THRAP3: variants seen among roughly 807,000 people sequenced by gnomAD.
THRAP3 encodes the protein thyroid hormone receptor associated protein 3, also known as thyroid hormone receptor-associated protein 3.
A neutral mutation model predicts 101.0 loss-of-function variants in THRAP3; 16 were observed. The observed-to-expected ratio is 0.16, with a 90% confidence interval of 0.11 to 0.24. The LOEUF (loss-of-function observed/expected upper bound fraction) is 0.24, where lower values mean the gene tolerates loss of function less well. Ranked by LOEUF, THRAP3 falls within the 10% of genes least tolerant of loss-of-function variation. THRAP3 has a pLI of 1.00. For synonymous variants in THRAP3, 407 were observed against 422.6 expected (o/e 0.96, Z 0.45); for missense variants, 989 against 1,202.7 (o/e 0.82, Z 2.63).
chr1:36,253,044 T>G (rs1440243223), intron 1 of THRAP3, among the ~76,000 whole-genome samples: 3 of 148,994 alleles, frequency 2.0e-5, no homozygotes, highest in Non-Finnish European at 1.5e-5. Context: ...GGAGTACAAT[T>G]TCACTTAATT....
At chr1:36,262,629 T>C (rs1351946062) in intron 2 of THRAP3, among the ~76,000 whole-genome samples, 2 of 152,182 alleles carry the variant, frequency 1.3e-5, no homozygotes, top group African/African-American at 4.8e-5. Context: ...GCAAAGAATG[T>C]CCATGGCCCA....
At position 36,287,165 on chromosome 1, in the gene THRAP3, C is replaced by A. The variant is rs762508775; in HGVS notation, c.935C>A (p.Ser312Tyr). 3.1e-6 allele frequency: 5 copies of A among 1,614,180 alleles called. No individual in the cohort carries two copies. The highest frequency in any genetic ancestry group is 4.2e-6 in the Non-Finnish European group (5 of 1,180,032). ...FDHGSGSLSP[S>Y]KKSPVGKSPP... ...CATGGTTCTGGGTCCCTGAGTCCATCCAAAAAGAGCCCTGTGGGTAAGAGT... is the reference window on the plus strand; with the variant it reads ...CATGGTTCTGGGTCCCTGAGTCCATACAAAAAGAGCCCTGTGGGTAAGAGT... Residue 312 changes from serine (S) to tyrosine (Y), a missense_variant, in exon 4 of 12, where the codon TCC (serine) becomes TAC (tyrosine). Ser to Tyr is a moderately radical substitution (Grantham distance 144). Transcript: ENST00000354618.
In THRAP3 at chr1:36,247,942, C is replaced by T. The variant is rs1019186627; in HGVS notation, c.-134-11440C>T. 5.4e-5 allele frequency among the ~76,000 whole-genome samples: 8 copies of T among 148,998 alleles called. No individual in the cohort carries two copies. The South Asian group carries it at 6.4e-4, about 12-fold the overall frequency. ...CCGCCCAGGCTGGAGTGCAGTGGCA[C>T]GATCTTGGCTCACTGCAACCTCCAC... On this transcript the variant is annotated intron_variant, in intron 1 of 11. Transcript: ENST00000354618.
At chr1:36,260,536 C>G (rs1385217455) in intron 2 of THRAP3, among the ~76,000 whole-genome samples, 1 of 152,082 alleles carries the variant, frequency 6.6e-6, no homozygotes. Flanking sequence ...TTAATTGTCA[C>G]TCTGGGGCCA....
intron 2 of THRAP3, among the ~76,000 whole-genome samples, chr1:36,270,425 G>A (rs551000784): frequency 2.0e-5 from 3 of 152,068 alleles, no homozygotes; most frequent in Admixed American, 1.3e-4. Flanking sequence ...ACACGCACAC[G>A]CACGCATGCC....
intron 1 of THRAP3, among the ~76,000 whole-genome samples, chr1:36,238,014 T>A (rs1645111728): frequency 6.6e-6 from 1 of 152,124 alleles, no homozygotes; most frequent in African/African-American, 2.4e-5. Flanking sequence ...TTTCTTTTTT[T>A]TAATAGAGAC....
rs755926380 is a variant in THRAP3 at position 36,287,093 on chromosome 1, C to T, written c.863C>T (p.Pro288Leu). 27 of 1,613,976 alleles carry T rather than the reference C, an allele frequency of 1.7e-5. No individual in the cohort carries two copies. Among genetic ancestry groups the T allele is most frequent in the East Asian group, 4.5e-5 (2 of 44,894 alleles). Residue 288 changes from proline to leucine, a missense_variant, in exon 4 of 12, where the codon CCG (proline) becomes CTG (leucine). Coordinates refer to ENST00000354618, the MANE Select transcript of THRAP3 (RefSeq NM_005119.4). ...SSTSQMGSTLPSGAGYQSGTH... is the reference protein window; with the variant it reads ...SSTSQMGSTLLSGAGYQSGTH... Reference sequence around the variant, plus strand: ...ACATCCCAGATGGGCTCAACTCTGCCGAGTGGTGCCGGGTATCAGTCTGGG... The same window carrying T: ...ACATCCCAGATGGGCTCAACTCTGCTGAGTGGTGCCGGGTATCAGTCTGGG...
intron 1 of THRAP3, among the ~76,000 whole-genome samples, chr1:36,256,133 C>T (rs1645370971): frequency 6.6e-6 from 1 of 151,742 alleles, no homozygotes; most frequent in African/African-American, 2.4e-5. Context: ...TCTCTTGCCT[C>T]AGCCTCCCAT....
chr1:36,221,985 A>G (rs546530363), upstream of THRAP3, among the ~76,000 whole-genome samples: 1 of 151,700 alleles, frequency 6.6e-6, no homozygotes, highest in South Asian at 2.1e-4. Flanking sequence ...AATTTTTTGT[A>G]TTTTTAGTAG....
chr1:36,232,699 C>T (rs1301446190), intron 1 of THRAP3, among the ~76,000 whole-genome samples: 1 of 152,130 alleles, frequency 6.6e-6, no homozygotes, highest in Admixed American at 6.6e-5. Flanking sequence ...GAAGTGCTCC[C>T]ATTGTCAAGT....
At chr1:36,241,217 A>G (rs1321042110) in intron 1 of THRAP3, among the ~76,000 whole-genome samples, 3 of 145,068 alleles carry the variant, frequency 2.1e-5, no homozygotes, top group East Asian at 2.0e-4. Flanking sequence ...AAAGATTTTT[A>G]CTTTTCAGAA....
chr1:36,285,495 G>T (rs1473281286), intron 3 of THRAP3, among the ~76,000 whole-genome samples: 1 of 152,152 alleles, frequency 6.6e-6, no homozygotes, highest in Non-Finnish European at 1.5e-5. Context: ...TGTGGTTCTG[G>T]AAATTCATCT....
intron 2 of THRAP3, among the ~76,000 whole-genome samples, chr1:36,270,930 A>G (rs1645582984): frequency 6.6e-6 from 1 of 152,080 alleles, no homozygotes; most frequent in African/African-American, 2.4e-5. Flanking sequence ...TTTCATATTA[A>G]AAATAAAATA....
At chr1:36,276,964 T>A (rs1368176073) in intron 2 of THRAP3, among the ~76,000 whole-genome samples, 3 of 152,086 alleles carry the variant, frequency 2.0e-5, no homozygotes, top group Non-Finnish European at 4.4e-5. Context: ...TTTTTTTAAT[T>A]TTTATTTTAT....
the THRAP3 span, among the ~76,000 whole-genome samples, chr1:36,211,612 G>A: frequency 0.031 from 4,789 of 152,208 alleles, 237 homozygotes; most frequent in African/African-American, 0.11. Context: ...GCTAGACTAG[G>A]GTATTCCTGA....
At position 36,228,126 on chromosome 1, in the gene THRAP3, A is replaced by G. The variant is rs1017156728; in HGVS notation, c.-135+3621A>G. Among the ~76,000 whole-genome samples, 12 of 146,960 alleles carry G rather than the reference A, an allele frequency of 8.2e-5. No individual in the cohort carries two copies. In the Admixed American group the frequency reaches 8.3e-4, roughly 10 times the overall value. On this transcript the variant is annotated intron_variant, in intron 1 of 11. Coordinates refer to ENST00000354618, the MANE Select transcript of THRAP3 (RefSeq NM_005119.4). Reference sequence around the variant, plus strand: ...CAGTGGCACTATCTTGGCTCACTGCAACCTCTGTCTTCCAGGTTCAAGCAG... The same window carrying G: ...CAGTGGCACTATCTTGGCTCACTGCGACCTCTGTCTTCCAGGTTCAAGCAG...
At position 36,305,118 on chromosome 1, in the gene THRAP3, C is replaced by A. The variant is rs1055296182; in HGVS notation, c.*1101C>A. On this transcript the variant is annotated 3_prime_UTR_variant, in exon 12 of 12. Coordinates refer to ENST00000354618, the MANE Select transcript of THRAP3 (RefSeq NM_005119.4). Reference sequence around the variant, plus strand: ...TCCTTGTGCTTGCCTTCTGGGGAGGCGGTCCTGAGCAGGTGAATCATAAGG... The same window carrying A: ...TCCTTGTGCTTGCCTTCTGGGGAGGAGGTCCTGAGCAGGTGAATCATAAGG... The A allele has an allele frequency of 4.7e-6, 1 of 214,774 alleles. No individual in the cohort carries two copies. The highest frequency in any genetic ancestry group is 9.4e-6 in the Non-Finnish European group (1 of 106,420). 13.3% of individuals were successfully genotyped at this position (214,774 alleles called of 1,614,324 possible).
intron 1 of THRAP3, among the ~76,000 whole-genome samples, chr1:36,237,328 C>A (rs551280555): frequency 1.5e-4 from 23 of 151,742 alleles, no homozygotes; most frequent in African/African-American, 5.6e-4. Flanking sequence ...ATCAGCTGGG[C>A]GTGTTGGCAA....
At chr1:36,245,963 A>G (rs1034637871) in intron 1 of THRAP3, among the ~76,000 whole-genome samples, 1 of 152,208 alleles carries the variant, frequency 6.6e-6, no homozygotes, top group Non-Finnish European at 1.5e-5. Flanking sequence ...CAGTCGTTCT[A>G]AGTACATTCC....
Sources: gnomAD v4.1 joint callset for allele counts (sites outside exome capture counted in the v4.1 genomes callset) on GRCh38, gnomAD v4.1.1 for gene constraint, MANE v1.5 for transcripts, NCBI Gene and HGNC (gene_info 2026-07-23, HGNC 2026-07-21) for gene names.